Variants in ZNF836 observed in about 807,000 individuals in gnomAD.
ZNF836 encodes the protein zinc finger protein 836.
Under a neutral mutation model 7.4 loss-of-function variants are expected in ZNF836, and 12 were observed. That is an observed-to-expected ratio of 1.61 (90% CI 1.03 to 2.61). The LOEUF is 2.61. Among genes scored for constraint, ZNF836 ranks in the 30% most tolerant of loss-of-function variants. The probability of loss-of-function intolerance (pLI) is 0.00; values close to 1 mark genes in which losing one functional copy is unlikely to be tolerated. For missense variants in ZNF836, 998 were observed against 1,126.2 expected (o/e 0.89, Z 1.63); for synonymous variants, 365 against 382.6 (o/e 0.95, Z 0.54).
In ZNF836 at chr19:52,157,526, A is replaced by T. The variant is rs777386118; in HGVS notation, c.157T>A (p.Cys53Ser). The T allele has an allele frequency of 1.3e-6, 2 of 1,520,436 alleles. No individual in the cohort carries two copies. The highest frequency in any genetic ancestry group is 1.8e-6 in the Non-Finnish European group (2 of 1,140,034). The allele number at this position is 1,520,436 out of a possible 1,614,324, so 94.2% of individuals were successfully genotyped here. A position where few individuals can be genotyped will look rare whatever the true frequency, so the allele number is the denominator to read the frequency against. ...ATTGGTGGTAATTCCTTGGTCATAC[A>T]TTTAGGAAGGATACCTACAAAATAT... Reference protein sequence around the residue: ...NLVFLGILPKCMTKELPPIGN... With the variant: ...NLVFLGILPKSMTKELPPIGN... Residue 53 changes from cysteine to serine, a missense_variant, in exon 5 of 5, where the codon TGT becomes AGT. Transcript: ENST00000682614.
intron 4 of ZNF836, 25 bp from the exon 5 acceptor site, chr19:52,157,565 G>C: frequency 6.9e-7 from 1 of 1,447,132 alleles, no homozygotes; most frequent in Non-Finnish European, 9.1e-7. Context: ...GAACATGGGA[G>C]TTTTTTCGTT....
chr19:52,160,030 A>G (rs1233463357), intron 4 of ZNF836, among the ~76,000 whole-genome samples: 2 of 151,938 alleles, frequency 1.3e-5, no homozygotes, highest in Non-Finnish European at 2.9e-5. Flanking sequence ...TAAAATACAA[A>G]AAATTAGCCG....
Position 52,154,922 on chromosome 19 carries a change from ATTTTG to A in ZNF836, c.2756_2760del (p.Thr919IlefsTer22), listed in dbSNP as rs1568568241. 2 of 1,543,674 alleles carry A rather than the reference ATTTTG, an allele frequency of 1.3e-6. No individual in the cohort carries two copies. Among genetic ancestry groups the A allele is most frequent in the South Asian group, 2.5e-5 (2 of 78,660 alleles). On this transcript the variant is annotated frameshift_variant, in exon 5 of 5. Transcript: ENST00000682614. LOFTEE classifies it low-confidence loss of function (END_TRUNC). ...ACATCTAAAGGCTTTTCCACATTGA[ATTTTG>A]TTTTAAGACTCTCTGCAGTATGTTT... is the stretch of plus-strand genomic sequence containing the variant.
chr19:52,168,180 G>T, intron 2 of ZNF836, 28 bp from the exon 3 acceptor site: 1 of 1,435,324 alleles, frequency 7.0e-7, no homozygotes, highest in Non-Finnish European at 9.5e-7. Context: ...GTTGTTTAAT[G>T]CTTGGAAACA....
chr19:52,155,847 A>C lies in ZNF836; in HGVS notation c.1836T>G (p.Cys612Trp), dbSNP rs756350945. The change falls in exon 5 of 5, where the codon TGT becomes TGG. Residue 612 changes from cysteine (C) to tryptophan (W), a missense_variant. Transcript: ENST00000682614. ...CATTGAAGACCTTGCCACACACATT[A>C]CATTTGTAAGGTTTCTGCCCAGTAT... ...RIHTGQKPYK[C>W]NVCGKVFNDS... The C allele has an allele frequency of 1.9e-6, 3 of 1,614,010 alleles. No homozygotes were observed. In the East Asian group the frequency reaches 6.7e-5, roughly 36 times the overall value.
chr19:52,162,832 G>A (rs12460432), intron 3 of ZNF836, among the ~76,000 whole-genome samples: 31,298 of 152,170 alleles, frequency 0.21, 3,725 homozygotes, highest in South Asian at 0.36. Flanking sequence ...AGGCGCAGTC[G>A]TGAGTTTGCC....
Position 52,155,784 on chromosome 19 carries a change from A to G in ZNF836, c.1899T>C (p.Thr633=), listed in dbSNP as rs759288271. The G allele has an allele frequency of 5.0e-6, 8 of 1,613,838 alleles. No homozygotes were observed. The highest frequency in any genetic ancestry group is 1.6e-4 in the Middle Eastern group (1 of 6,084). ...GNLSNHKRIH[T]GEKPFQCNEC... is the part of the protein sequence containing the mutation. ...CGTTACATTGAAACGGCTTCTCTCC[A>G]GTATGAATTCTCTTATGATTTGAAA... is the stretch of plus-strand genomic sequence containing the variant. Residue 633 remains threonine, a synonymous_variant, in exon 5 of 5, where the codon ACT becomes ACC. Transcript: ENST00000682614.
chr19:52,163,872 T>C (rs565888925), intron 3 of ZNF836, among the ~76,000 whole-genome samples: 1 of 152,128 alleles, frequency 6.6e-6, no homozygotes, highest in East Asian at 1.9e-4. Flanking sequence ...AGCAAACCTC[T>C]TCAATTAGGA....
At chr19:52,164,406 G>A (rs1600142583) in intron 3 of ZNF836, among the ~76,000 whole-genome samples, 4 of 122,726 alleles carry the variant, frequency 3.3e-5, no homozygotes, top group Middle Eastern at 4.5e-3. Context: ...AAAAAAAAAA[G>A]AGAAAGAAAG....
Position 52,157,280 on chromosome 19 carries a change from T to G in ZNF836, c.403A>C (p.Lys135Gln), listed in dbSNP as rs759958399. ...AATGTAAGCTGATTTTCAATACATT[T>G]GTTTTCTACATCCTCTTGACTATGT... The part of the protein sequence containing the change: ...GQHSQEDVEN[K>Q]CIENQLTLSF... The change falls in exon 5 of 5, where the codon AAA (lysine) becomes CAA (glutamine). Residue 135 changes from lysine (K) to glutamine (Q), a missense_variant. Transcript: ENST00000682614. The G allele has an allele frequency of 1.9e-6, 3 of 1,605,850 alleles. No homozygotes were observed. The highest frequency in any genetic ancestry group is 1.3e-5 in the African/African-American group (1 of 74,890).
At position 52,156,841 on chromosome 19, in the gene ZNF836, T is replaced by C; in HGVS notation, c.842A>G (p.Lys281Arg). 1 of 1,614,234 alleles carries C rather than the reference T, an allele frequency of 6.2e-7. No individual in the cohort carries two copies. Among genetic ancestry groups the C allele is most frequent in the South Asian group, 1.1e-5 (1 of 91,084 alleles). The change falls in exon 5 of 5, where the codon AAG (lysine) becomes AGG (arginine). Residue 281 changes from lysine (K) to arginine (R), a missense_variant. Transcript: ENST00000682614. ...AAGATCTGAATTTTGTCTGAAGATC[T>C]TGCCACATACACCACATTGATATGG... ...GKPYQCGVCG[K>R]IFRQNSDLVN...
chr19:52,157,275 A>G lies in ZNF836; in HGVS notation c.408T>C (p.Cys136=), dbSNP rs2089173362. Residue 136 remains cysteine (C), a synonymous_variant, in exon 5 of 5, where the codon TGT becomes TGC. Transcript: ENST00000682614. ...QHSQEDVENK[C]IENQLTLSFQ... ...AGCTTAATGTAAGCTGATTTTCAAT[A>G]CATTTGTTTTCTACATCCTCTTGAC... is the stretch of plus-strand genomic sequence containing the variant. The G allele has an allele frequency of 1.2e-6, 2 of 1,605,714 alleles. No homozygotes were observed. Among genetic ancestry groups the G allele is most frequent in the Non-Finnish European group, 1.7e-6 (2 of 1,174,998 alleles).
In ZNF836 at chr19:52,157,039, T is replaced by C. The variant is rs771647721; in HGVS notation, c.644A>G (p.Glu215Gly). The C allele has an allele frequency of 6.8e-6, 11 of 1,613,990 alleles. No homozygotes were observed. Among genetic ancestry groups the C allele is most frequent in the African/African-American group, 2.7e-5 (2 of 74,938 alleles). Reference protein sequence around the residue: ...PTQLEKTHIREKPYMCKGCGK... With the variant: ...PTQLEKTHIRGKPYMCKGCGK... ...ACACCCTTTACACATATAAGGTTTT[T>C]CCCTAATGTGTGTTTTCTCAAGTTG... is the stretch of plus-strand genomic sequence containing the variant. The change falls in exon 5 of 5, where the codon GAA becomes GGA. Residue 215 changes from glutamate (E) to glycine (G), a missense_variant. By Grantham distance (98) the Glu-to-Gly change is moderately conservative. Coordinates refer to ENST00000682614, the MANE Select transcript of ZNF836 (RefSeq NM_001102657.3).
Position 52,160,508 on chromosome 19 carries a change from G to T in ZNF836, c.99C>A (p.Tyr33Ter). ...TGTAGTTCTCCAACATCACATCCCA[G>T]TACAAAGCTTTCTGCACAGGGTCCA... ...KSLDPVQKAL[Y>*]WDVMLENYRN... Residue 33 changes from tyrosine to a stop codon, truncating the protein, a stop_gained, in exon 4 of 5, where the codon TAC becomes TAA. Coordinates refer to ENST00000682614, the MANE Select transcript of ZNF836 (RefSeq NM_001102657.3). LOFTEE classifies it low-confidence loss of function (END_TRUNC). The T allele has an allele frequency of 6.2e-7, 1 of 1,614,136 alleles. No homozygotes were observed. Among genetic ancestry groups the T allele is most frequent in the Non-Finnish European group, 8.5e-7 (1 of 1,180,024 alleles).
intron 3 of ZNF836, among the ~76,000 whole-genome samples, chr19:52,166,255 G>T (rs922391673): frequency 6.6e-6 from 1 of 152,286 alleles, no homozygotes; most frequent in Admixed American, 6.5e-5. Flanking sequence ...CTTCAAAAGT[G>T]CTGGGATTGC....
chr19:52,156,312 A>G lies in ZNF836; in HGVS notation c.1371T>C (p.Leu457=), dbSNP rs375836631. 3.1e-6 allele frequency: 5 copies of G among 1,614,018 alleles called. No individual in the cohort carries two copies. In the African/African-American group the frequency reaches 6.7e-5, roughly 22 times the overall value. ...CAGTATGACTTCTCTGGTGCCTTGC[A>G]AGTTGTGAACGTTGACTGAAGACCT... ...CDKVFSQRSQ[L]ARHQRSHTGE... Residue 457 remains leucine (L), a synonymous_variant, in exon 5 of 5, where the codon CTT becomes CTC. Coordinates refer to ENST00000682614, the MANE Select transcript of ZNF836 (RefSeq NM_001102657.3).
intron 2 of ZNF836, among the ~76,000 whole-genome samples, 180 bp downstream of exon 2, chr19:52,169,468 A>G (rs2089291507): frequency 6.6e-6 from 1 of 151,982 alleles, no homozygotes; most frequent in Non-Finnish European, 1.5e-5. Flanking sequence ...AATCCCAGGT[A>G]CTCGTGAGGC....
rs754749811 is a variant in ZNF836 at position 52,157,507 on chromosome 19, G to A, written c.176C>T (p.Pro59Leu). The A allele has an allele frequency of 3.9e-6, 6 of 1,546,842 alleles. No individual in the cohort carries two copies. The East Asian group carries it at 1.4e-4, about 35-fold the overall frequency. The change falls in exon 5 of 5, where the codon CCA becomes CTA. Residue 59 changes from proline (P) to leucine (L), a missense_variant. Transcript: ENST00000682614. ...ILPKCMTKEL[P>L]PIGNSNTGEK... The stretch of plus-strand genomic sequence containing the variant: ...TCCTGTATTACTGTTCCCTATTGGT[G>A]GTAATTCCTTGGTCATACATTTAGG...
In ZNF836 at chr19:52,155,326, A is replaced by C; in HGVS notation, c.2357T>G (p.Val786Gly). The C allele has an allele frequency of 6.2e-7, 1 of 1,613,316 alleles. No individual in the cohort carries two copies. Among genetic ancestry groups the C allele is most frequent in the Non-Finnish European group, 8.5e-7 (1 of 1,179,852 alleles). Reference protein sequence around the residue: ...KPYKCNECGKVFRHQSTLARH... With the variant: ...KPYKCNECGKGFRHQSTLARH... ...TGCTAGTGTTGATTGATGACGAAAG[A>C]CCTTGCCACATTCATTACATTTGTA... The change falls in exon 5 of 5, where the codon GTC becomes GGC. Residue 786 changes from valine to glycine, a missense_variant. Coordinates refer to ENST00000682614, the MANE Select transcript of ZNF836 (RefSeq NM_001102657.3).
Sources: gnomAD v4.1 joint callset for allele counts (sites outside exome capture counted in the v4.1 genomes callset) on GRCh38, gnomAD v4.1.1 for gene constraint, MANE v1.5 for transcripts, NCBI Gene and HGNC (gene_info 2026-07-23, HGNC 2026-07-21) for gene names.